SAMSN1: variants seen among roughly 807,000 people sequenced by gnomAD.
The protein encoded by SAMSN1 is SAM domain-containing protein SAMSN-1.
In SAMSN1, 31 loss-of-function variants were observed where a neutral mutation model predicts 42.0. The observed-to-expected ratio is 0.74, with a 90% CI of 0.55 to 1.00. SAMSN1 has a LOEUF of 1.00. Ranked by LOEUF, SAMSN1 falls within the 50% of genes least tolerant of loss-of-function variation. SAMSN1 has a pLI of 0.00. For missense variants in SAMSN1, 464 were observed against 439.4 expected (o/e 1.06, Z -0.50); for synonymous variants, 178 against 151.9 (o/e 1.17, Z -1.26).
rs1419482453 is a variant in SAMSN1, at chr21:14,510,314, AT to A, written c.556del (p.Ile186SerfsTer7). 1 of 1,614,064 alleles carries A rather than the reference AT, an allele frequency of 6.2e-7. No homozygotes were observed. The highest frequency in any genetic ancestry group is 8.5e-7 in the Non-Finnish European group (1 of 1,179,978). On this transcript the variant is annotated frameshift_variant, in exon 5 of 8. Transcript: ENST00000400566. LOFTEE classifies it high-confidence loss of function. ...TGGGATATGATGTCCTCTCACCTTG[AT>A]TTTGAGGGAGTCAGTGTCATAGGGA... ...PSPYDTDSLK[I>X]KKGDIIDIIC...
intron 6 of SAMSN1, among the ~76,000 whole-genome samples, chr21:14,600,370 A>G (rs1233129367): frequency 2.6e-5 from 4 of 152,208 alleles, no homozygotes; most frequent in African/African-American, 9.7e-5. Flanking sequence ...GTTAAATTCA[A>G]TTGAATGTCT....
chr21:14,546,492 T>A (rs551683667), upstream of SAMSN1: 73 of 481,034 alleles, frequency 1.5e-4, no homozygotes, highest in Admixed American at 7.9e-4. Context: ...TGAGGTATGT[T>A]CCAAATCTCA....
intron 1 of SAMSN1, among the ~76,000 whole-genome samples, chr21:14,644,471 A>T (rs1983673565): frequency 1.3e-5 from 2 of 152,178 alleles, no homozygotes; most frequent in South Asian, 4.2e-4. Flanking sequence ...GGCAGTATTC[A>T]TTACCTGCTA....
intron 2 of SAMSN1, among the ~76,000 whole-genome samples, chr21:14,563,726 G>A (rs1163787178): frequency 1.3e-5 from 2 of 152,104 alleles, no homozygotes; most frequent in African/African-American, 4.8e-5. Context: ...ATTTTAGAGA[G>A]ATTAGTGGCC....
At chr21:14,649,256 A>C (rs1392960495) in intron 1 of SAMSN1, among the ~76,000 whole-genome samples, 6 of 118,362 alleles carry the variant, frequency 5.1e-5, no homozygotes, top group Non-Finnish European at 9.8e-5. Context: ...GGAACATCAT[A>C]CTCTGGGGAC....
At chr21:14,590,266 A>ATTTTTT (rs56187524) in intron 7 of SAMSN1, among the ~76,000 whole-genome samples, 1 of 150,908 alleles carries the variant, frequency 6.6e-6, no homozygotes. Flanking sequence ...AATTGGGAGA[A>ATTTTTT]TTTTTTTTTC....
In SAMSN1 at chr21:14,594,182, G is replaced by A. The variant is rs559428288; in HGVS notation, c.400-104C>T. 84 of 598,018 alleles carry A rather than the reference G, an allele frequency of 1.4e-4. No homozygotes were observed. The Middle Eastern group carries it at 2.7e-3, about 19-fold the overall frequency. 37.0% of individuals were successfully genotyped at this position (598,018 alleles called of 1,614,324 possible). A position where few individuals can be genotyped will look rare whatever the true frequency, so the allele number is the denominator to read the frequency against. On this transcript the variant is annotated intron_variant, in intron 6 of 15. Coordinates refer to the SAMSN1 transcript ENST00000647101. ...TACCAAACTAATTGGGAAAGGATTC[G>A]CTGTCTTAATTAGAAATAATTATCT...
At chr21:14,503,116 G>A (rs1307480820) in intron 5 of SAMSN1, among the ~76,000 whole-genome samples, 1 of 152,078 alleles carries the variant, frequency 6.6e-6, no homozygotes, top group Non-Finnish European at 1.5e-5. Flanking sequence ...TCATGATTAT[G>A]TTACCCTTAT....
At chr21:14,654,961 T>C (rs1983893918) in intron 1 of SAMSN1, among the ~76,000 whole-genome samples, 1 of 151,794 alleles carries the variant, frequency 6.6e-6, no homozygotes, top group Non-Finnish European at 1.5e-5. Context: ...GCCAACTGAA[T>C]TGACAATCAG....
chr21:14,631,285 A>G (rs1300405526), intron 2 of SAMSN1, among the ~76,000 whole-genome samples: 1 of 152,238 alleles, frequency 6.6e-6, no homozygotes, highest in Non-Finnish European at 1.5e-5. Context: ...ATAGTATAAA[A>G]TACATTGTCA....
At position 14,510,366 on chromosome 21, in the gene SAMSN1, T is replaced by A; in HGVS notation, c.505A>T (p.Arg169Ter). 6.2e-7 allele frequency: 1 copy of A among 1,614,182 alleles called. No homozygotes were observed. Among genetic ancestry groups the A allele is most frequent in the Non-Finnish European group, 8.5e-7 (1 of 1,180,020 alleles). The change falls in exon 5 of 8, where the codon AGA (arginine) becomes TGA (stop). Residue 169 changes from arginine (R) to a stop codon, truncating the protein, a stop_gained. Transcript: ENST00000400566. LOFTEE classifies it high-confidence loss of function. ...PYSGPFCGRA[R>*]VHTDFTPSPY... ...CTTGGCGTGAAATCCGTATGCACTC[T>A]GGCACGGCCACAGAATGGTCCTGAA...
chr21:14,612,885 T>G (rs1280103389), exon 4 of SAMSN1: 1 of 707,194 alleles, frequency 1.4e-6, no homozygotes, highest in African/African-American at 1.8e-5. Flanking sequence ...CCAAATATTT[T>G]ATTTTCAGAC....
intron 2 of SAMSN1, among the ~76,000 whole-genome samples, chr21:14,580,513 T>C (rs1981670745): frequency 6.6e-6 from 1 of 152,112 alleles, no homozygotes; most frequent in Non-Finnish European, 1.5e-5. Context: ...CCAGCTACTC[T>C]CCAAGAAGCT....
At chr21:14,642,340 T>A (rs1983615825) in intron 2 of SAMSN1, among the ~76,000 whole-genome samples, 1 of 152,194 alleles carries the variant, frequency 6.6e-6, no homozygotes, top group Non-Finnish European at 1.5e-5. Flanking sequence ...ACAGAACAAT[T>A]TGCATTTGCC....
At chr21:14,587,736 T>A (rs951694206), upstream of SAMSN1, among the ~76,000 whole-genome samples, 1 of 151,478 alleles carries the variant, frequency 6.6e-6, no homozygotes, top group East Asian at 1.9e-4. Flanking sequence ...TGTTGTTTTA[T>A]CCATCACCTT....
intron 2 of SAMSN1, among the ~76,000 whole-genome samples, chr21:14,633,608 A>T (rs1983386074): frequency 6.6e-6 from 1 of 152,212 alleles, no homozygotes; most frequent in East Asian, 1.9e-4. Context: ...GTGGCCTAAT[A>T]TGATTATAGT....
intron 5 of SAMSN1, among the ~76,000 whole-genome samples, chr21:14,608,316 G>A (rs1982617625): frequency 6.6e-6 from 1 of 152,212 alleles, no homozygotes; most frequent in Admixed American, 6.5e-5. Context: ...GGAAGGGAGA[G>A]CAAAGTTATT....
chr21:14,605,369 G>T (rs1274666249), intron 5 of SAMSN1, among the ~76,000 whole-genome samples: 1 of 152,156 alleles, frequency 6.6e-6, no homozygotes, highest in Non-Finnish European at 1.5e-5. Flanking sequence ...TTCCCATCTT[G>T]TAAGCAAGCA....
At chr21:14,576,082 T>C (rs1297807337) in intron 2 of SAMSN1, among the ~76,000 whole-genome samples, 1 of 151,764 alleles carries the variant, frequency 6.6e-6, no homozygotes, top group Admixed American at 6.6e-5. Context: ...CAGTAAAGAG[T>C]GTGTAAAAAA....
Sources: gnomAD v4.1 joint callset for allele counts (sites outside exome capture counted in the v4.1 genomes callset) on GRCh38, gnomAD v4.1.1 for gene constraint, MANE v1.5 for transcripts, NCBI Gene and HGNC (gene_info 2026-07-23, HGNC 2026-07-21) for gene names.